Variants in ASTN2 observed in about 807,000 individuals in gnomAD.
ASTN2 encodes the protein astrotactin 2.
ASTN2 carries 54 observed loss-of-function variants against 139.8 expected under a neutral mutation model. That is an observed-to-expected ratio of 0.39 (90% CI 0.31 to 0.48). The LOEUF is 0.48. Among genes scored for constraint, ASTN2 ranks in the 20% least tolerant of loss-of-function variants. The pLI, the probability that ASTN2 is intolerant of heterozygous loss-of-function variation, is 0.95. For missense variants in ASTN2, 1,565 were observed against 1,725.1 expected, an observed-to-expected ratio of 0.91 and a Z score of 1.64; for synonymous variants, 756 against 719.5, an observed-to-expected ratio of 1.05 and a Z score of -0.81.
intron 13 of ASTN2, among the ~76,000 whole-genome samples, chr9:116,769,406 AT>A (rs1564256983): frequency 6.6e-6 from 1 of 152,134 alleles, no homozygotes; most frequent in East Asian, 1.9e-4. Context: ...AGTGGAGACC[AT>A]TTGCATAGAT....
At chr9:116,553,474 A>G (rs1274027915) in intron 19 of ASTN2, among the ~76,000 whole-genome samples, 2 of 152,210 alleles carry the variant, frequency 1.3e-5, no homozygotes, top group East Asian at 3.9e-4. Context: ...TTTTCTGCAC[A>G]GAAACGATGT....
At chr9:117,407,837 A>T (rs10759921) in intron 1 of ASTN2, among the ~76,000 whole-genome samples, 51,852 of 151,800 alleles carry the variant, frequency 0.34, 9,330 homozygotes, top group Middle Eastern at 0.42. Context: ...TCTCTCTCTC[A>T]CTATAGTTAA....
intron 11 of ASTN2, among the ~76,000 whole-genome samples, chr9:116,849,031 A>T (rs1832517525): frequency 6.6e-6 from 1 of 152,150 alleles, no homozygotes; most frequent in South Asian, 2.1e-4. Flanking sequence ...GAACTCAGGG[A>T]AATACTTATG....
At chr9:116,494,290 A>G (rs1051959653) in intron 19 of ASTN2, among the ~76,000 whole-genome samples, 3 of 152,154 alleles carry the variant, frequency 2.0e-5, no homozygotes, top group African/African-American at 7.2e-5. Flanking sequence ...TCATCTGAAA[A>G]GATGATCCTA....
At position 116,614,011 on chromosome 9, in the gene ASTN2, A is replaced by G. The variant is rs143338142; in HGVS notation, c.3355+4313T>C. Among the ~76,000 whole-genome samples, 1,097 of 152,308 alleles carry G rather than the reference A, an allele frequency of 7.2e-3. 4 individuals carry two copies. Among genetic ancestry groups the G allele is most frequent in the Non-Finnish European group, 0.012 (805 of 68,014 alleles). On this transcript the variant is annotated intron_variant, in intron 19 of 22. Coordinates refer to ENST00000313400, the MANE Select transcript of ASTN2 (RefSeq NM_001365068.1). ...CAGCACAAAATCTTCTCAAGCTGAT[A>G]AGCAACTTCAGCAAAGTCTCAGGAT...
chr9:116,526,716 T>C (rs1166819175), intron 19 of ASTN2, among the ~76,000 whole-genome samples: 4 of 152,136 alleles, frequency 2.6e-5, no homozygotes, highest in Admixed American at 2.0e-4. Flanking sequence ...CAATTTTTGA[T>C]TCATCATGAT....
intron 4 of ASTN2, among the ~76,000 whole-genome samples, chr9:117,104,098 C>A (rs533641620): frequency 2.6e-5 from 4 of 152,304 alleles, no homozygotes; most frequent in South Asian, 4.1e-4. Flanking sequence ...GGATTCAAAC[C>A]CTGGTTTGTC....
At chr9:117,014,170 C>T (rs1362396899) in intron 6 of ASTN2, among the ~76,000 whole-genome samples, 2 of 152,008 alleles carry the variant, frequency 1.3e-5, no homozygotes, top group Non-Finnish European at 2.9e-5. Context: ...TGTGATGAAG[C>T]AGGAATGAAG....
At chr9:117,331,166 T>A (rs566065987) in intron 1 of ASTN2, among the ~76,000 whole-genome samples, 78 of 152,300 alleles carry the variant, frequency 5.1e-4, no homozygotes, top group African/African-American at 1.6e-3. Context: ...ATATGTCCTA[T>A]GTCTTCTGTA....
At chr9:116,979,995 C>T (rs1836462143) in intron 7 of ASTN2, among the ~76,000 whole-genome samples, 1 of 152,146 alleles carries the variant, frequency 6.6e-6, no homozygotes, top group South Asian at 2.1e-4. Flanking sequence ...TACTGATGCT[C>T]ATTATACAAC....
chr9:116,908,565 G>C (rs1361989803), intron 10 of ASTN2, among the ~76,000 whole-genome samples: 1 of 152,124 alleles, frequency 6.6e-6, no homozygotes, highest in Non-Finnish European at 1.5e-5. Context: ...TTCCTTTCTT[G>C]AAAGTCTCTC....
At chr9:117,216,739 AAAG>A (rs1008596018) in intron 2 of ASTN2, among the ~76,000 whole-genome samples, 1 of 152,122 alleles carries the variant, frequency 6.6e-6, no homozygotes, top group Non-Finnish European at 1.5e-5. Context: ...AGAAATAAGA[AAAG>A]AAGGAGAGGG....
intron 2 of ASTN2, among the ~76,000 whole-genome samples, chr9:117,226,455 CAA>C (rs763024650): frequency 6.7e-4 from 102 of 152,250 alleles, no homozygotes; most frequent in Middle Eastern, 3.4e-3. Context: ...CAATGCTCAA[CAA>C]AAGATGATTT....
intron 3 of ASTN2, among the ~76,000 whole-genome samples, chr9:117,192,313 G>A (rs147714483): frequency 1.3e-5 from 2 of 151,564 alleles, no homozygotes; most frequent in Non-Finnish European, 2.9e-5. Context: ...ACTCCACCAT[G>A]TGGTACAATT....
At chr9:116,443,057 A>G (rs779331369) in intron 20 of ASTN2, among the ~76,000 whole-genome samples, 1 of 152,252 alleles carries the variant, frequency 6.6e-6, no homozygotes, top group Non-Finnish European at 1.5e-5. Flanking sequence ...TCAAAAAGTA[A>G]ACAAAAAATC....
rs185488691 is a variant in ASTN2, at chr9:117,121,116, C to T, written c.1168+20210G>A. Among the ~76,000 whole-genome samples, 58 of 152,348 alleles carry T rather than the reference C, an allele frequency of 3.8e-4. No individual in the cohort carries two copies. In the East Asian group the frequency reaches 0.011, roughly 28 times the overall value. On this transcript the variant is annotated intron_variant, in intron 4 of 22. Transcript: ENST00000313400. ...TCACATCCACATGGGGTAGGCATCA[C>T]TACACATTTGTGGTCTTGCCCCAGG... is the stretch of plus-strand genomic sequence containing the variant.
chr9:116,425,428 C>T lies in ASTN2; in HGVS notation c.*423G>A, dbSNP rs1394441695. 4 of 795,070 alleles carry T rather than the reference C, an allele frequency of 5.0e-6. No homozygotes were observed. The highest frequency in any genetic ancestry group is 1.6e-5 in the South Asian group (1 of 61,692). 49.3% of individuals were successfully genotyped at this position (795,070 alleles called of 1,614,324 possible). On this transcript the variant is annotated 3_prime_UTR_variant, in exon 23 of 23. Transcript: ENST00000313400. The stretch of plus-strand genomic sequence containing the variant: ...GTGCTGAAGAGGTCAAAACTGTCTC[C>T]TCTAGGGGTCAGGTCAAAACTGTCC...
At chr9:116,584,533 T>A (rs1408189858) in intron 19 of ASTN2, 1 of 152,020 alleles carries the variant, frequency 6.6e-6, no homozygotes, top group African/African-American at 2.4e-5. Context: ...AAACTAGAAA[T>A]AGAAGATACC....
At chr9:116,426,188 A>G in intron 22 of ASTN2, 100 bp from the exon 23 acceptor site, 6 of 1,444,086 alleles carry the variant, frequency 4.2e-6, no homozygotes, top group East Asian at 2.3e-5. Flanking sequence ...ACTTCTCCCA[A>G]CCATTTCCTA....
Sources: allele counts gnomAD v4.1 joint callset (sites outside exome capture counted in the v4.1 genomes callset), GRCh38; gene constraint gnomAD v4.1.1; transcripts MANE v1.5; gene names NCBI Gene and HGNC (gene_info 2026-07-23, HGNC 2026-07-21).